Variants in MAP3K2 observed in about 807,000 individuals in gnomAD.
The protein encoded by MAP3K2 is mitogen-activated protein kinase kinase kinase 2.
Under a neutral mutation model 80.3 loss-of-function variants are expected in MAP3K2, and 24 were observed. The observed-to-expected ratio is 0.30, with a 90% confidence interval of 0.22 to 0.42. MAP3K2 has a LOEUF of 0.42. Among genes scored for constraint, MAP3K2 ranks in the 10% least tolerant of loss-of-function variants. The probability of loss-of-function intolerance (pLI) is 1.00; values close to 1 mark genes in which losing one functional copy is unlikely to be tolerated. For synonymous variants in MAP3K2, 244 were observed against 253.7 expected, an observed-to-expected ratio of 0.96 and a Z score of 0.36; for missense variants, 608 against 750.1, an observed-to-expected ratio of 0.81 and a Z score of 2.21.
At chr2:127,366,436 T>C (rs755190440) in intron 1 of MAP3K2, among the ~76,000 whole-genome samples, 1 of 148,864 alleles carries the variant, frequency 6.7e-6, no homozygotes, top group Non-Finnish European at 1.5e-5. Context: ...ACTCAGAGGA[T>C]ACGTGTATGC....
chr2:127,311,464 A>G (rs569497908), intron 15 of MAP3K2, among the ~76,000 whole-genome samples: 2 of 152,198 alleles, frequency 1.3e-5, no homozygotes, highest in Non-Finnish European at 2.9e-5. Context: ...GGCGGAGGAG[A>G]AAACGGGTAG....
At chr2:127,340,430 G>T (rs60136573) in intron 2 of MAP3K2, among the ~76,000 whole-genome samples, 1,995 of 152,206 alleles carry the variant, frequency 0.013, 46 homozygotes, top group African/African-American at 0.046. Context: ...AGGCCGAGGG[G>T]GGCAGATCAT....
At chr2:127,371,716 A>G (rs1392623520) in intron 1 of MAP3K2, among the ~76,000 whole-genome samples, 1 of 152,196 alleles carries the variant, frequency 6.6e-6, no homozygotes, top group African/African-American at 2.4e-5. Flanking sequence ...AAAGGGAGGG[A>G]AACCCAAATT....
At chr2:127,361,546 C>T (rs1686892842) in intron 1 of MAP3K2, among the ~76,000 whole-genome samples, 1 of 152,274 alleles carries the variant, frequency 6.6e-6, no homozygotes, top group South Asian at 2.1e-4. Flanking sequence ...CATTTGTAAA[C>T]ATGCCTGCAC....
rs1014061040 is a variant in MAP3K2, at chr2:127,303,478, G to T, written c.*4101C>A. 2.6e-5 allele frequency: 4 copies of T among 152,048 alleles called. No homozygotes were observed. Among genetic ancestry groups the T allele is most frequent in the Admixed American group, 6.6e-5 (1 of 15,242 alleles). The allele number at this position is 152,048 out of a possible 1,614,324, so 9.4% of individuals were successfully genotyped here. A position where few individuals can be genotyped will look rare whatever the true frequency, so the allele number is the denominator to read the frequency against. ...GGGGAGGGGATCCCTCTAGTTTGGA[G>T]ATACTTTTACTCTAATCCCTGTTGT... On this transcript the variant is annotated 3_prime_UTR_variant, in exon 17 of 17. Coordinates refer to ENST00000682094, the MANE Select transcript of MAP3K2 (RefSeq NM_001371910.2).
chr2:127,346,236 G>A (rs1686592622), intron 1 of MAP3K2, among the ~76,000 whole-genome samples: 1 of 151,090 alleles, frequency 6.6e-6, no homozygotes, highest in Non-Finnish European at 1.5e-5. Context: ...AGATGACACA[G>A]ACAAATTCCT....
intron 1 of MAP3K2, among the ~76,000 whole-genome samples, chr2:127,361,355 T>C (rs1377028067): frequency 6.7e-6 from 1 of 150,304 alleles, no homozygotes; most frequent in African/African-American, 2.4e-5. Flanking sequence ...ATTTAAAAAG[T>C]GTTCTCCCAA....
intron 1 of MAP3K2, among the ~76,000 whole-genome samples, chr2:127,382,441 C>A (rs2404837): frequency 1.3e-5 from 2 of 152,242 alleles, no homozygotes; most frequent in Non-Finnish European, 2.9e-5. Flanking sequence ...TTTTGAAATA[C>A]ATAGTTCCAG....
At chr2:127,369,556 A>G (rs2104885574) in intron 1 of MAP3K2, among the ~76,000 whole-genome samples, 1 of 151,982 alleles carries the variant, frequency 6.6e-6, no homozygotes, top group East Asian at 1.9e-4. Context: ...TCCAAAGACT[A>G]ATAAGAAATA....
At chr2:127,362,270 T>C (rs55998444) in intron 1 of MAP3K2, among the ~76,000 whole-genome samples, 48,892 of 152,178 alleles carry the variant, frequency 0.32, 8,346 homozygotes, top group African/African-American at 0.4. Context: ...CCTTGATTTC[T>C]TTACTTGTAA....
intron 1 of MAP3K2, 103 bp from the exon 2 acceptor site, chr2:127,343,297 C>T (rs1348607505): frequency 5.2e-6 from 3 of 580,602 alleles, no homozygotes; most frequent in Non-Finnish European, 9.2e-6. Flanking sequence ...GAAAAATATA[C>T]AATATGAATA....
At chr2:127,386,982 G>A (rs1687363335) in intron 1 of MAP3K2, among the ~76,000 whole-genome samples, 1 of 152,156 alleles carries the variant, frequency 6.6e-6, no homozygotes, top group African/African-American at 2.4e-5. Flanking sequence ...GAGCTGGGAA[G>A]ATGAAGAGAG....
At chr2:127,358,316 C>T (rs1009156722) in intron 1 of MAP3K2, among the ~76,000 whole-genome samples, 1 of 152,218 alleles carries the variant, frequency 6.6e-6, no homozygotes, top group Non-Finnish European at 1.5e-5. Context: ...CTAAAATGCT[C>T]ATGCACTACT....
In MAP3K2 at chr2:127,321,884, GCTT is replaced by G. The variant is rs1243052766; in HGVS notation, c.1045+159_1045+161del. 6.6e-6 allele frequency among the ~76,000 whole-genome samples: 1 copy of G among 152,116 alleles called. No individual in the cohort carries two copies. The highest frequency in any genetic ancestry group is 1.5e-5 in the Non-Finnish European group (1 of 68,018). On this transcript the variant is annotated intron_variant, in intron 12 of 16. Coordinates refer to ENST00000682094, the MANE Select transcript of MAP3K2 (RefSeq NM_001371910.2). The surrounding 1 kb of genome is among the most constrained non-coding windows in gnomAD (Gnocchi z 4.4). ...CTAAAGTAATTAGCAGTGATACCAT[GCTT>G]ATACCTGACATTCCAACCACCTTTA... is the stretch of plus-strand genomic sequence containing the variant.
At chr2:127,328,680 G>A (rs1332779359) in intron 7 of MAP3K2, among the ~76,000 whole-genome samples, 1 of 152,156 alleles carries the variant, frequency 6.6e-6, no homozygotes, top group Non-Finnish European at 1.5e-5. Context: ...ACCCAAAGTA[G>A]GACTTATTTA....
chr2:127,386,424 A>G (rs886296088), intron 1 of MAP3K2, among the ~76,000 whole-genome samples: 1 of 152,260 alleles, frequency 6.6e-6, no homozygotes, highest in East Asian at 1.9e-4. Context: ...AAAAGATTGC[A>G]TAAGACAACG....
chr2:127,361,078 C>T (rs1241452769), intron 1 of MAP3K2, among the ~76,000 whole-genome samples: 1 of 151,984 alleles, frequency 6.6e-6, no homozygotes, highest in Non-Finnish European at 1.5e-5. Context: ...CTTTGGGAGG[C>T]AAAGGTGGGC....
rs143153223 is a variant in MAP3K2, at chr2:127,306,706, C to T, written c.*873G>A. 2 of 152,246 alleles carry T rather than the reference C, an allele frequency of 1.3e-5. No homozygotes were observed. Among genetic ancestry groups the T allele is most frequent in the African/African-American group, 2.4e-5 (1 of 41,548 alleles). 9.4% of individuals were successfully genotyped at this position (152,246 alleles called of 1,614,324 possible). A position where few individuals can be genotyped will look rare whatever the true frequency, so the allele number is the denominator to read the frequency against. On this transcript the variant is annotated 3_prime_UTR_variant, in exon 17 of 17. Coordinates refer to ENST00000682094, the MANE Select transcript of MAP3K2 (RefSeq NM_001371910.2). The surrounding 1 kb of genome is among the most constrained non-coding windows in gnomAD (Gnocchi z 4.7). Reference sequence around the variant, plus strand: ...AAACAAAACAAAACTGTTTAAAATACACTAAACACCTAATTTTTTTTCATT... The same window carrying T: ...AAACAAAACAAAACTGTTTAAAATATACTAAACACCTAATTTTTTTTCATT...
chr2:127,369,900 GA>G (rs1455454882), intron 1 of MAP3K2, among the ~76,000 whole-genome samples: 1 of 152,164 alleles, frequency 6.6e-6, no homozygotes, highest in African/African-American at 2.4e-5. Flanking sequence ...AGGGTGGTGG[GA>G]AAAATTGTAG....
Sources: gnomAD v4.1 joint callset for allele counts (sites outside exome capture counted in the v4.1 genomes callset) on GRCh38, gnomAD v4.1.1 for gene constraint, Gnocchi (gnomAD v3.1) non-coding constraint, MANE v1.5 for transcripts, NCBI Gene and HGNC (gene_info 2026-07-23, HGNC 2026-07-21) for gene names.